The following TBC1D22A variants were observed in gnomAD, a reference collection of about 807,000 sequenced individuals.
The protein encoded by TBC1D22A is TBC1 domain family member 22A, also known as putative GTPase activator.
TBC1D22A carries 38 observed loss-of-function variants against 60.2 expected under a neutral mutation model. The observed-to-expected ratio is 0.63, with a 90% confidence interval of 0.49 to 0.83. The LOEUF (loss-of-function observed/expected upper bound fraction) is 0.83, where lower values mean the gene tolerates loss of function less well. TBC1D22A is among the 40% of genes least tolerant of loss of function. TBC1D22A has a pLI of 0.00. For missense variants in TBC1D22A, 628 were observed against 701.0 expected, an observed-to-expected ratio of 0.90 and a Z score of 1.18; for synonymous variants, 302 against 281.7, an observed-to-expected ratio of 1.07 and a Z score of -0.72.
intron 4 of TBC1D22A, among the ~76,000 whole-genome samples, chr22:46,849,656 A>G (rs2087179542): frequency 6.6e-6 from 1 of 152,272 alleles, no homozygotes; most frequent in South Asian, 2.1e-4. Flanking sequence ...AACCCGGTTC[A>G]TTTATTGTCT....
intron 4 of TBC1D22A, among the ~76,000 whole-genome samples, chr22:46,828,584 A>G (rs139596): frequency 0.31 from 47,328 of 152,158 alleles, 7,512 homozygotes; most frequent in South Asian, 0.44. Context: ...CCCGTCTCCC[A>G]CAGGAGATCT....
intron 9 of TBC1D22A, among the ~76,000 whole-genome samples, chr22:46,982,544 G>C (rs898674560): frequency 4.6e-5 from 7 of 152,080 alleles, no homozygotes; most frequent in African/African-American, 1.7e-4. Context: ...TTTTAGTCAG[G>C]GGCATTTGGT....
intron 8 of TBC1D22A, among the ~76,000 whole-genome samples, chr22:46,912,850 C>T (rs1382621873): frequency 6.6e-6 from 1 of 152,136 alleles, no homozygotes; most frequent in Admixed American, 6.5e-5. Context: ...CTACCACGCC[C>T]AGTCAGTGGC....
chr22:46,931,464 C>CT (rs1363492741), intron 8 of TBC1D22A, among the ~76,000 whole-genome samples: 1 of 152,198 alleles, frequency 6.6e-6, no homozygotes, highest in Non-Finnish European at 1.5e-5. Flanking sequence ...AAGAGGTATC[C>CT]TCCCACTTTT....
intron 7 of TBC1D22A, among the ~76,000 whole-genome samples, chr22:46,903,550 T>C (rs2069165590): frequency 6.6e-6 from 1 of 152,132 alleles, no homozygotes; most frequent in Non-Finnish European, 1.5e-5. Context: ...AGCGTGAGTC[T>C]AGAGGGACCA....
At chr22:47,165,096 T>A (rs1028055448) in intron 12 of TBC1D22A, among the ~76,000 whole-genome samples, 1 of 152,096 alleles carries the variant, frequency 6.6e-6, no homozygotes, top group African/African-American at 2.4e-5. Flanking sequence ...GGGCCTTTGT[T>A]CTTGTTCTGG....
At chr22:46,942,733 C>G (rs1016908003) in intron 8 of TBC1D22A, among the ~76,000 whole-genome samples, 7 of 152,124 alleles carry the variant, frequency 4.6e-5, no homozygotes, top group African/African-American at 1.7e-4. Context: ...CCCGAGGGAT[C>G]CTTGCTGAGA....
chr22:46,867,352 C>T (rs1047329475), intron 4 of TBC1D22A, among the ~76,000 whole-genome samples: 2 of 152,190 alleles, frequency 1.3e-5, no homozygotes, highest in South Asian at 4.1e-4. Flanking sequence ...GGCTGTGACT[C>T]TGTGTTCAGT....
chr22:47,043,313 C>T lies in TBC1D22A; in HGVS notation c.1329+6115C>T, dbSNP rs6008028. The stretch of plus-strand genomic sequence containing the variant: ...AGTGCCTGGGCCAGGACAGAGCAGG[C>T]GAAGGGTGTGGGGAGCAGCAGGTGG... On this transcript the variant is annotated intron_variant, in intron 11 of 12. Transcript: ENST00000337137. Among the ~76,000 whole-genome samples the T allele has an allele frequency of 9.4e-3, 1,425 of 152,238 alleles. 27 individuals carry two copies. The highest frequency in any genetic ancestry group is 0.032 in the African/African-American group (1,346 of 41,552).
intron 8 of TBC1D22A, among the ~76,000 whole-genome samples, chr22:46,966,457 C>A (rs927306999): frequency 6.6e-6 from 1 of 152,210 alleles, no homozygotes; most frequent in African/African-American, 2.4e-5. Flanking sequence ...TCTCCCCGTC[C>A]CACAGTTTCT....
At position 46,777,772 on chromosome 22, in the gene TBC1D22A, G is replaced by C. The variant is rs192996573; in HGVS notation, c.63-14748G>C. On this transcript the variant is annotated intron_variant, in intron 1 of 12. Coordinates refer to ENST00000337137, the MANE Select transcript of TBC1D22A (RefSeq NM_014346.5). This position sits in a 1 kb window ranked among gnomAD's most constrained non-coding sequence, Gnocchi z 4.5. ...GGGCCTCGGTGATGGCTGGCTGCCAGGGTGGCGGAGCCGCTCCGAAAGTCA... is the reference window on the plus strand; with the variant it reads ...GGGCCTCGGTGATGGCTGGCTGCCACGGTGGCGGAGCCGCTCCGAAAGTCA... Among the ~76,000 whole-genome samples the C allele has an allele frequency of 8.1e-4, 123 of 152,344 alleles. 5 individuals are homozygous for C. In the East Asian group the frequency reaches 0.02, roughly 25 times the overall value.
chr22:46,844,362 G>T (rs897057858), intron 4 of TBC1D22A, among the ~76,000 whole-genome samples: 5 of 152,100 alleles, frequency 3.3e-5, no homozygotes, highest in Non-Finnish European at 5.9e-5. Context: ...AAGCTTAGTT[G>T]CATTTAGTTA....
At chr22:47,137,154 G>A (rs568146014) in intron 12 of TBC1D22A, among the ~76,000 whole-genome samples, 10 of 152,316 alleles carry the variant, frequency 6.6e-5, no homozygotes, top group South Asian at 2.1e-4. Context: ...TGTTCATTTC[G>A]TTACCCTAAT....
chr22:47,016,763 C>A (rs983161518), intron 10 of TBC1D22A, among the ~76,000 whole-genome samples: 2 of 152,236 alleles, frequency 1.3e-5, no homozygotes, highest in Non-Finnish European at 2.9e-5. Flanking sequence ...GTATTCGTTT[C>A]AGAAGCTGCT....
intron 11 of TBC1D22A, among the ~76,000 whole-genome samples, chr22:47,098,875 T>G (rs951605373): frequency 3.1e-4 from 47 of 152,212 alleles, no homozygotes; most frequent in Middle Eastern, 3.2e-3. Context: ...TGGGACCTCC[T>G]GTGAGGACAG....
chr22:46,841,049 T>TGGGTGG (rs1325497259), intron 4 of TBC1D22A, among the ~76,000 whole-genome samples: 2 of 143,590 alleles, frequency 1.4e-5, no homozygotes, highest in African/African-American at 5.2e-5. Flanking sequence ...TGAAAATGGG[T>TGGGTGG]GTGTGTGTGT....
intron 11 of TBC1D22A, among the ~76,000 whole-genome samples, chr22:47,096,836 T>C (rs573350087): frequency 6.6e-6 from 1 of 151,934 alleles, no homozygotes; most frequent in African/African-American, 2.4e-5. Flanking sequence ...AAAATAAAAA[T>C]AAATAAATAA....
At chr22:47,131,334 G>A (rs1847169526) in intron 12 of TBC1D22A, among the ~76,000 whole-genome samples, 1 of 152,252 alleles carries the variant, frequency 6.6e-6, no homozygotes, top group Non-Finnish European at 1.5e-5. Flanking sequence ...GCCAGGTGGA[G>A]TCCGGGTTCT....
intron 5 of TBC1D22A, among the ~76,000 whole-genome samples, chr22:46,883,752 T>C (rs2067968955): frequency 6.6e-6 from 1 of 152,184 alleles, no homozygotes; most frequent in Non-Finnish European, 1.5e-5. Flanking sequence ...ACAGGCCTTC[T>C]CTCCTGGCTG....
Sources: gnomAD v4.1 joint callset for allele counts (sites outside exome capture counted in the v4.1 genomes callset) on GRCh38, gnomAD v4.1.1 for gene constraint, Gnocchi (gnomAD v3.1) non-coding constraint, MANE v1.5 for transcripts, NCBI Gene and HGNC (gene_info 2026-07-23, HGNC 2026-07-21) for gene names.